The following KIAA1958 variants were observed in gnomAD, a reference collection of about 807,000 sequenced individuals.
The protein encoded by KIAA1958 is KIAA1958.
KIAA1958 carries 14 observed loss-of-function variants against 47.2 expected under a neutral mutation model. That is an observed-to-expected ratio of 0.30 (90% CI 0.20 to 0.46). KIAA1958 has a LOEUF of 0.46. Among genes scored for constraint, KIAA1958 ranks in the 20% least tolerant of loss-of-function variants. The pLI is 1.00. For missense variants in KIAA1958, 803 were observed against 909.2 expected (o/e 0.88, Z 1.50); for synonymous variants, 354 against 353.3 (o/e 1.00, Z -0.02).
At chr9:112,523,822 A>G (rs1588001012) in intron 1 of KIAA1958, among the ~76,000 whole-genome samples, 1 of 152,316 alleles carries the variant, frequency 6.6e-6, no homozygotes, top group Middle Eastern at 3.4e-3. Context: ...ATGAAGCACA[A>G]TTGCAGACTG....
chr9:112,502,832 A>G (rs1834166378), intron 1 of KIAA1958, among the ~76,000 whole-genome samples: 1 of 152,260 alleles, frequency 6.6e-6, no homozygotes, highest in Admixed American at 6.5e-5. Context: ...CCCCTGCATT[A>G]GAGCATTATT....
intron 2 of KIAA1958, among the ~76,000 whole-genome samples, chr9:112,589,372 G>A (rs1358410867): frequency 6.6e-6 from 1 of 152,098 alleles, no homozygotes; most frequent in Non-Finnish European, 1.5e-5. Flanking sequence ...TGAGGCTGGT[G>A]GATCACCTGA....
intron 1 of KIAA1958, among the ~76,000 whole-genome samples, chr9:112,528,360 A>G (rs939294241): frequency 1.3e-5 from 2 of 152,042 alleles, no homozygotes; most frequent in African/African-American, 4.8e-5. Flanking sequence ...TTGCTCAGGA[A>G]TCCTTTGCCA....
chr9:112,638,509 AAAAAG>A (rs1033078433), intron 2 of KIAA1958, among the ~76,000 whole-genome samples: 4 of 152,168 alleles, frequency 2.6e-5, no homozygotes, highest in African/African-American at 4.8e-5. Context: ...TCTCTAAAAA[AAAAAG>A]AAAAGAAAAA....
At chr9:112,497,814 A>G (rs1046887147) in intron 1 of KIAA1958, among the ~76,000 whole-genome samples, 1 of 152,142 alleles carries the variant, frequency 6.6e-6, no homozygotes, top group Non-Finnish European at 1.5e-5. Context: ...TCCCCCAACC[A>G]TTTCTAACAT....
At chr9:112,489,608 G>A (rs1272595125) in intron 1 of KIAA1958, among the ~76,000 whole-genome samples, 1 of 151,972 alleles carries the variant, frequency 6.6e-6, no homozygotes, top group Non-Finnish European at 1.5e-5. Flanking sequence ...TGGTAAGTTG[G>A]TGTTGAGGAA....
At chr9:112,528,740 G>A (rs1478828224) in intron 1 of KIAA1958, among the ~76,000 whole-genome samples, 3 of 17,840 alleles carry the variant, frequency 1.7e-4, no homozygotes, top group African/African-American at 1.5e-3. Flanking sequence ...GGCTGGTCTC[G>A]AAGTCCTGAC....
At chr9:112,641,459 T>A (rs965931463) in intron 2 of KIAA1958, among the ~76,000 whole-genome samples, 3 of 151,712 alleles carry the variant, frequency 2.0e-5, no homozygotes, top group African/African-American at 4.8e-5. Flanking sequence ...TTGTAGAGTT[T>A]TTTCTTTGTT....
chr9:112,494,574 A>G (rs1425911564), intron 1 of KIAA1958, among the ~76,000 whole-genome samples: 1 of 151,316 alleles, frequency 6.6e-6, no homozygotes, highest in East Asian at 1.9e-4. Context: ...GCCTCAGGTG[A>G]TCCTCCCAGT....
intron 1 of KIAA1958, among the ~76,000 whole-genome samples, chr9:112,504,441 G>A (rs1564151489): frequency 1.3e-5 from 2 of 152,112 alleles, no homozygotes; most frequent in African/African-American, 2.4e-5. Context: ...CACCGGCCTC[G>A]GCCTCCCGAA....
chr9:112,566,766 G>A (rs994112844), intron 1 of KIAA1958, among the ~76,000 whole-genome samples: 6 of 152,076 alleles, frequency 3.9e-5, no homozygotes, highest in Non-Finnish European at 8.8e-5. Context: ...GAGGACTTTT[G>A]TTTTAAAATT....
chr9:112,574,319 T>G lies in KIAA1958; in HGVS notation c.239T>G (p.Phe80Cys), dbSNP rs1425008687. Residue 80 changes from phenylalanine (F) to cysteine (C), a missense_variant, in exon 2 of 4, where the codon TTT (phenylalanine) becomes TGT (cysteine). Physicochemically the swap from Phe to Cys is radical, Grantham distance 205. Around this residue, in one of 2 missense-constraint regions of KIAA1958, gnomAD observed 761 missense variants for 829.3 expected, o/e 0.92. Coordinates refer to ENST00000337530, the MANE Select transcript of KIAA1958 (RefSeq NM_133465.4). ...GTCTGTTTCCAGGATAACAGAAGTT[T>G]TAACTCTGATAGTCCCAGTATAATC... ...ERVCFQDNRSFNSDSPSIIGV... is the reference protein window; with the variant it reads ...ERVCFQDNRSCNSDSPSIIGV... The G allele has an allele frequency of 6.2e-7, 1 of 1,614,100 alleles. No individual in the cohort carries two copies. The highest frequency in any genetic ancestry group is 1.7e-5 in the Admixed American group (1 of 60,022).
intron 1 of KIAA1958, among the ~76,000 whole-genome samples, chr9:112,520,886 C>G (rs1834527869): frequency 6.6e-6 from 1 of 152,162 alleles, no homozygotes. Flanking sequence ...ACCTGGCATG[C>G]AGTACGTGGA....
intron 1 of KIAA1958, among the ~76,000 whole-genome samples, chr9:112,564,125 A>T (rs1018590992): frequency 3.3e-5 from 5 of 152,154 alleles, no homozygotes; most frequent in Admixed American, 6.5e-5. Flanking sequence ...TTTTGGTTTT[A>T]AAAGTTATGC....
intron 1 of KIAA1958, among the ~76,000 whole-genome samples, chr9:112,542,445 A>G (rs753907810): frequency 1.3e-5 from 2 of 152,200 alleles, no homozygotes; most frequent in Non-Finnish European, 2.9e-5. Context: ...TAAAGAAAAT[A>G]TTCACATTTA....
At chr9:112,609,212 C>T (rs1041616879) in intron 2 of KIAA1958, among the ~76,000 whole-genome samples, 22 of 152,130 alleles carry the variant, frequency 1.4e-4, no homozygotes, top group African/African-American at 3.9e-4. Context: ...CAGATTAGAT[C>T]GCAAGTTACC....
At chr9:112,581,895 A>AGACTC (rs1487233194) in intron 2 of KIAA1958, 6 of 231,316 alleles carry the variant, frequency 2.6e-5, no homozygotes, top group South Asian at 1.4e-4. Context: ...AGATCAGACC[A>AGACTC]GACTCAACTC....
intron 3 of KIAA1958, among the ~76,000 whole-genome samples, chr9:112,654,926 A>G (rs547707337): frequency 6.6e-5 from 10 of 152,302 alleles, no homozygotes; most frequent in African/African-American, 2.4e-4. Flanking sequence ...ATACATGCAT[A>G]TGGATGTGTG....
At chr9:112,573,659 C>A (rs372359128) in intron 1 of KIAA1958, among the ~76,000 whole-genome samples, 1 of 152,168 alleles carries the variant, frequency 6.6e-6, no homozygotes, top group Non-Finnish European at 1.5e-5. Context: ...TTGGTTAATG[C>A]AAGTAATAGA....
Sources: gnomAD v4.1 joint callset for allele counts (sites outside exome capture counted in the v4.1 genomes callset) on GRCh38, gnomAD v4.1.1 for gene constraint, gnomAD v4.1.1 regional missense constraint, MANE v1.5 for transcripts, NCBI Gene and HGNC (gene_info 2026-07-23, HGNC 2026-07-21) for gene names.